FGL1: variants seen among roughly 807,000 people sequenced by gnomAD.
FGL1 encodes fibrinogen like 1, also known as fibrinogen-like protein 1.
FGL1 carries 59 observed loss-of-function variants against 43.7 expected under a neutral mutation model. The observed-to-expected ratio is 1.35, with a 90% confidence interval of 1.10 to 1.68. FGL1 has a LOEUF of 1.68. Ranked by LOEUF, FGL1 falls within the 40% of genes most tolerant of loss-of-function variation. FGL1 has a pLI of 0.00. For missense variants in FGL1, 596 were observed against 373.0 expected (o/e 1.60, Z -4.92); for synonymous variants, 192 against 126.5 (o/e 1.52, Z -3.48).
At position 17,868,909 on chromosome 8, in the gene FGL1, G is replaced by T; in HGVS notation, c.591+7C>A. The T allele has an allele frequency of 6.3e-7, 1 of 1,582,486 alleles. No homozygotes were observed. The highest frequency in any genetic ancestry group is 8.6e-7 in the Non-Finnish European group (1 of 1,164,482). ...TCACGGTTTTACTTCTTAGAAAATT[G>T]TAGTACCTTTTCATCTCCAACTTTG... On this transcript the variant is annotated splice_region_variant and intron_variant, in intron 6 of 7. Transcript: ENST00000427924.
At chr8:17,873,706 T>A (rs546174677) in intron 5 of FGL1, among the ~76,000 whole-genome samples, 82 of 149,832 alleles carry the variant, frequency 5.5e-4, no homozygotes, top group African/African-American at 1.8e-3. Context: ...TAGCGACTTA[T>A]ATTCTATATA....
chr8:17,873,834 T>A (rs1285780199), intron 5 of FGL1, among the ~76,000 whole-genome samples, 185 bp downstream of exon 5: 1 of 151,758 alleles, frequency 6.6e-6, no homozygotes, highest in African/African-American at 2.4e-5. Context: ...TTCTAGCTTT[T>A]TTTTCTGTTT....
Position 17,882,065 on chromosome 8 carries a change from C to T in FGL1, c.178G>A (p.Val60Ile), listed in dbSNP as rs758302897. ...TCATCTCCTTTATCAAGGAACTGGA[C>T]TTCATTCTCCTGCAAAAGCTGCTTG... ...KIKQLLQENE[V>I]QFLDKGDENT... The change falls in exon 3 of 8, where the codon GTC becomes ATC. Residue 60 changes from valine (V) to isoleucine (I), a missense_variant. Coordinates refer to ENST00000427924, the MANE Select transcript of FGL1 (RefSeq NM_004467.4). 9 of 1,614,090 alleles carry T rather than the reference C, an allele frequency of 5.6e-6. No homozygotes were observed. In the East Asian group the frequency reaches 2.0e-4, roughly 36 times the overall value.
intron 1 of FGL1, chr8:17,891,908 T>C: frequency 2.2e-6 from 1 of 453,642 alleles, no homozygotes; most frequent in Non-Finnish European, 2.9e-6. Context: ...ACAGCTTATT[T>C]TGGTTTTAAA....
Position 17,864,595 on chromosome 8 carries a change from A to C in FGL1, c.936T>G (p.Ile312Met), listed in dbSNP as rs2053240645. The C allele has an allele frequency of 9.4e-6, 15 of 1,603,200 alleles. No homozygotes were observed. Among genetic ancestry groups the C allele is most frequent in the Non-Finnish European group, 1.2e-5 (14 of 1,177,388 alleles). Residue 312 changes from isoleucine to methionine, a missense_variant, in exon 8 of 8, where the codon ATT becomes ATG. Coordinates refer to ENST00000427924, the MANE Select transcript of FGL1 (RefSeq NM_004467.4). ...IRPNDFIPNV[I>M] ...AACGAAAGCCCAACAGCAGCAATTA[A>C]ATTACATTTGGAATAAAATCATTTG...
chr8:17,885,791 A>G (rs576658380), intron 1 of FGL1: 1 of 495,394 alleles, frequency 2.0e-6, no homozygotes, highest in Non-Finnish European at 3.6e-6. Flanking sequence ...AAAACAGAGG[A>G]AGGACTCTGG....
chr8:17,881,435 G>A (rs2053534073), intron 3 of FGL1, among the ~76,000 whole-genome samples: 2 of 151,750 alleles, frequency 1.3e-5, no homozygotes, highest in Admixed American at 6.6e-5. Flanking sequence ...GCACTTGGCT[G>A]TGTCCATCAG....
intron 2 of FGL1, among the ~76,000 whole-genome samples, chr8:17,883,677 A>AAT (rs529599229): frequency 4.9e-4 from 71 of 145,746 alleles, no homozygotes; most frequent in Non-Finnish European, 9.1e-4. Flanking sequence ...TATAGTCTAT[A>AAT]ATATATATAT....
intron 3 of FGL1, among the ~76,000 whole-genome samples, chr8:17,876,901 C>T (rs556676133): frequency 6.7e-4 from 102 of 152,192 alleles, no homozygotes; most frequent in African/African-American, 2.1e-3. Context: ...TTGAAATTTT[C>T]CTTCTCCCCA....
chr8:17,894,945 T>C (rs1276202215), intron 1 of FGL1, among the ~76,000 whole-genome samples: 3 of 148,608 alleles, frequency 2.0e-5, no homozygotes, highest in Non-Finnish European at 3.0e-5. Context: ...AAATATTGCT[T>C]AGCATTAGAT....
Position 17,868,550 on chromosome 8 carries a change from G to T in FGL1, c.777C>A (p.Asn259Lys). 6.2e-7 allele frequency: 1 copy of T among 1,609,962 alleles called. No individual in the cohort carries two copies. Among genetic ancestry groups the T allele is most frequent in the Non-Finnish European group, 8.5e-7 (1 of 1,178,378 alleles). The part of the protein sequence containing the change: ...AEEDQSGWWF[N>K]RCHSANLNGV... The stretch of plus-strand genomic sequence containing the variant: ...ACTATGCTCATAAGACATCAAACCT[G>T]TTAAACCACCAGCCAGACTGATCTT... The change falls in exon 7 of 8, where the codon AAC becomes AAA. Residue 259 changes from asparagine (N) to lysine (K), a missense_variant and splice_region_variant. Transcript: ENST00000427924.
intron 6 of FGL1, 38 bp from the exon 7 acceptor site, chr8:17,868,773 C>T (rs1563447217): frequency 6.5e-7 from 1 of 1,547,722 alleles, no homozygotes; most frequent in South Asian, 1.2e-5. Flanking sequence ...AGTGGAGTTC[C>T]TCTATGACCA....
In FGL1 at chr8:17,868,725, T is replaced by C; in HGVS notation, c.602A>G (p.Glu201Gly). Residue 201 changes from glutamate (E) to glycine (G), a missense_variant, in exon 7 of 8, where the codon GAG (glutamate) becomes GGG (glycine). Transcript: ENST00000427924. The stretch of plus-strand genomic sequence containing the variant: ...TCCAGAATATTCCCCAATATTCAAC[T>C]CGTAGAAATTCTAAAGAAAAAGGGC... ...FKVGDEKNFY[E>G]LNIGEYSGTA... 1.2e-6 allele frequency: 2 copies of C among 1,609,418 alleles called. No individual in the cohort carries two copies. The highest frequency in any genetic ancestry group is 1.7e-6 in the Non-Finnish European group (2 of 1,177,908).
At chr8:17,873,359 G>C (rs921741377) in intron 5 of FGL1, among the ~76,000 whole-genome samples, 1 of 152,098 alleles carries the variant, frequency 6.6e-6, no homozygotes, top group Non-Finnish European at 1.5e-5. Context: ...ACCCTATGGA[G>C]CCAGGTTGAA....
intron 2 of FGL1, among the ~76,000 whole-genome samples, chr8:17,883,458 T>C (rs1205504584): frequency 8.0e-6 from 1 of 124,992 alleles, no homozygotes; most frequent in African/African-American, 3.2e-5. Flanking sequence ...GAATAGATAT[T>C]ATATAATATA....
At chr8:17,875,761 C>T (rs1445704700) in intron 3 of FGL1, among the ~76,000 whole-genome samples, 1 of 151,986 alleles carries the variant, frequency 6.6e-6, no homozygotes, top group African/African-American at 2.4e-5. Context: ...CGCACCTACA[C>T]ACCTGGCTAA....
chr8:17,884,636 C>A (rs1183883835), intron 2 of FGL1, among the ~76,000 whole-genome samples: 1 of 152,066 alleles, frequency 6.6e-6, no homozygotes, highest in African/African-American at 2.4e-5. Context: ...GTGTCTGGGT[C>A]CTGAGTTGTT....
At chr8:17,877,304 C>T (rs2053470829) in intron 3 of FGL1, among the ~76,000 whole-genome samples, 1 of 152,136 alleles carries the variant, frequency 6.6e-6, no homozygotes, top group African/African-American at 2.4e-5. Context: ...ATCCTGCCTT[C>T]TGTTTTGACA....
chr8:17,868,887 CGGTTTTACTTCTTAG>C lies in FGL1; in HGVS notation c.591+14_591+28del. The C allele has an allele frequency of 2.0e-6, 3 of 1,528,378 alleles. No homozygotes were observed. Among genetic ancestry groups the C allele is most frequent in the Non-Finnish European group, 2.7e-6 (3 of 1,121,106 alleles). The allele number at this position is 1,528,378 out of a possible 1,614,324, so 94.7% of individuals were successfully genotyped here. On this transcript the variant is annotated intron_variant, in intron 6 of 7. Transcript: ENST00000427924. ...ATTGCACATTTTAAGCATTTATTCA[CGGTTTTACTTCTTAG>C]AAAATTGTAGTACCTTTTCATCTCC...
Sources: allele counts gnomAD v4.1 joint callset (sites outside exome capture counted in the v4.1 genomes callset), GRCh38; gene constraint gnomAD v4.1.1; transcripts MANE v1.5; gene names NCBI Gene and HGNC (gene_info 2026-07-23, HGNC 2026-07-21).